EMSY: variants seen among roughly 807,000 people sequenced by gnomAD.
The protein encoded by EMSY is EMSY transcriptional repressor, BRCA2 interacting, also known as BRCA2-interacting transcriptional repressor EMSY.
In EMSY, 26 loss-of-function variants were observed where a neutral mutation model predicts 134.6. The observed-to-expected ratio is 0.19, with a 90% CI of 0.14 to 0.27. The LOEUF is 0.27. Among genes scored for constraint, EMSY ranks in the 10% least tolerant of loss-of-function variants. EMSY has a pLI of 1.00. For missense variants in EMSY, 1,305 were observed against 1,611.4 expected (o/e 0.81, Z 3.26); for synonymous variants, 579 against 577.8 (o/e 1.00, Z -0.03).
intron 9 of EMSY, among the ~76,000 whole-genome samples, chr11:76,505,989 C>A (rs952966796): frequency 2.0e-5 from 3 of 152,020 alleles, no homozygotes; most frequent in Admixed American, 1.3e-4. Context: ...CATGGCAAGA[C>A]CCCAACTCTA....
At chr11:76,539,884 G>T (rs980842616) in intron 17 of EMSY, among the ~76,000 whole-genome samples, 5 of 152,058 alleles carry the variant, frequency 3.3e-5, no homozygotes, top group Admixed American at 3.3e-4. Flanking sequence ...TGTTTATATG[G>T]CCCAGTTAAG....
At chr11:76,495,659 T>C (rs1176771692) in intron 8 of EMSY, among the ~76,000 whole-genome samples, 2 of 152,176 alleles carry the variant, frequency 1.3e-5, no homozygotes, top group Non-Finnish European at 2.9e-5. Flanking sequence ...TCAGAGTTCT[T>C]AGGAAATGAC....
intron 19 of EMSY, among the ~76,000 whole-genome samples, chr11:76,545,104 G>A (rs569067876): frequency 4.3e-4 from 66 of 152,224 alleles, no homozygotes; most frequent in African/African-American, 1.2e-3. Flanking sequence ...GCATAGAAGC[G>A]ATATCCCTAA....
At chr11:76,461,467 T>C (rs1004172607) in intron 6 of EMSY, among the ~76,000 whole-genome samples, 5 of 152,260 alleles carry the variant, frequency 3.3e-5, no homozygotes, top group African/African-American at 1.2e-4. Flanking sequence ...CTGTGTTTCA[T>C]GTTTCTCACT....
At chr11:76,512,942 A>G (rs907066197) in intron 9 of EMSY, among the ~76,000 whole-genome samples, 2 of 152,176 alleles carry the variant, frequency 1.3e-5, no homozygotes, top group South Asian at 2.1e-4. Context: ...ATAATTTTCA[A>G]CAGCTTTTAT....
intron 8 of EMSY, among the ~76,000 whole-genome samples, chr11:76,495,137 G>A (rs1949599612): frequency 6.6e-6 from 1 of 152,198 alleles, no homozygotes; most frequent in Non-Finnish European, 1.5e-5. Flanking sequence ...AGGATGCTGA[G>A]GTCTAGAGAG....
intron 8 of EMSY, among the ~76,000 whole-genome samples, chr11:76,488,088 A>C (rs1207327448): frequency 6.6e-6 from 1 of 152,246 alleles, no homozygotes; most frequent in Non-Finnish European, 1.5e-5. Flanking sequence ...ATGTAGCCTG[A>C]ACTACAGTTC....
At chr11:76,464,189 G>A (rs1375808583) in intron 7 of EMSY, 109 bp downstream of exon 8, 10 of 1,300,194 alleles carry the variant, frequency 7.7e-6, no homozygotes, top group Middle Eastern at 1.9e-4. Context: ...ATTATGCTGG[G>A]GATGTTCACA....
intron 7 of EMSY, among the ~76,000 whole-genome samples, chr11:76,465,194 A>T (rs774874424): frequency 1.4e-4 from 22 of 152,088 alleles, no homozygotes; most frequent in Admixed American, 3.3e-4. Flanking sequence ...TTGCCTATTG[A>T]ACTGCCTGGA....
intron 8 of EMSY, among the ~76,000 whole-genome samples, chr11:76,476,484 A>T (rs1156432058): frequency 1.3e-5 from 2 of 152,168 alleles, no homozygotes; most frequent in Admixed American, 1.3e-4. Context: ...AAAGCAGGAT[A>T]CATGCATGAT....
At chr11:76,492,759 G>A in intron 8 of EMSY, among the ~76,000 whole-genome samples, 1 of 152,196 alleles carries the variant, frequency 6.6e-6, no homozygotes, top group East Asian at 1.9e-4. Context: ...AGTGGGTGCA[G>A]TGGACTCCAG....
intron 9 of EMSY, among the ~76,000 whole-genome samples, chr11:76,508,729 C>G (rs1283973388): frequency 1.3e-5 from 2 of 152,228 alleles, no homozygotes; most frequent in Non-Finnish European, 1.5e-5. Flanking sequence ...TACTGGATAA[C>G]TTGCTACAGC....
intron 8 of EMSY, among the ~76,000 whole-genome samples, chr11:76,486,043 C>T (rs989560476): frequency 2.6e-5 from 4 of 152,140 alleles, no homozygotes; most frequent in Non-Finnish European, 4.4e-5. Context: ...AAGTGTGGCA[C>T]GTATACACCA....
intron 11 of EMSY, among the ~76,000 whole-genome samples, chr11:76,520,480 T>G (rs1395247021): frequency 2.0e-5 from 3 of 152,098 alleles, no homozygotes; most frequent in Non-Finnish European, 4.4e-5. Context: ...GTTAATCACA[T>G]GTGAGGGATT....
intron 8 of EMSY, among the ~76,000 whole-genome samples, chr11:76,490,248 G>T (rs969845639): frequency 6.6e-6 from 1 of 150,428 alleles, no homozygotes; most frequent in Non-Finnish European, 1.5e-5. Flanking sequence ...AAAAATAGTT[G>T]CTCTAGAGTA....
At chr11:76,486,169 A>C (rs4367971) in intron 8 of EMSY, among the ~76,000 whole-genome samples, 140,084 of 152,066 alleles carry the variant, frequency 0.92, 65,069 homozygotes, top group South Asian at 0.98. Flanking sequence ...CCAAACACCA[A>C]ATATTCTCAC....
chr11:76,537,412 T>C (rs1412516302), intron 15 of EMSY, among the ~76,000 whole-genome samples: 1 of 152,150 alleles, frequency 6.6e-6, no homozygotes, highest in Admixed American at 6.5e-5. Flanking sequence ...CTAGAGCAAA[T>C]CATGTTATGT....
chr11:76,504,650 T>A (rs937003047), intron 9 of EMSY, among the ~76,000 whole-genome samples: 23 of 152,032 alleles, frequency 1.5e-4, no homozygotes, highest in Non-Finnish European at 2.9e-5. Flanking sequence ...AACAAAGAAT[T>A]AACATATGAT....
intron 12 of EMSY, among the ~76,000 whole-genome samples, chr11:76,524,226 G>T (rs1290950901): frequency 6.6e-6 from 1 of 152,120 alleles, no homozygotes; most frequent in East Asian, 1.9e-4. Flanking sequence ...TGGGATTGAT[G>T]ATCTTTACCA....
Sources: allele counts gnomAD v4.1 joint callset (sites outside exome capture counted in the v4.1 genomes callset), GRCh38; gene constraint gnomAD v4.1.1; transcripts MANE v1.5; gene names NCBI Gene and HGNC (gene_info 2026-07-23, HGNC 2026-07-21).